The following BRIP1 variants were observed in gnomAD, a reference collection of about 807,000 sequenced individuals.
The protein encoded by BRIP1 is BRCA1 interacting DNA helicase 1.
BRIP1 carries 88 observed loss-of-function variants against 119.7 expected under a neutral mutation model. The ratio of observed to expected loss-of-function variants is 0.74; its 90% confidence interval spans 0.62 to 0.88. BRIP1 has a LOEUF of 0.88. Among genes scored for constraint, BRIP1 ranks in the 40% least tolerant of loss-of-function variants. The pLI is 0.00. For synonymous variants in BRIP1, 443 were observed against 496.5 expected (o/e 0.89, Z 1.43); for missense variants, 1,259 against 1,455.4 (o/e 0.87, Z 2.20).
Position 61,709,055 on chromosome 17 carries a change from A to G in BRIP1, c.2492+6896T>C. On this transcript the variant is annotated intron_variant, in intron 17 of 19. Transcript: ENST00000259008. The surrounding 1 kb of genome is among the most constrained non-coding windows in gnomAD (Gnocchi z 5.0). ...TTCCAGAAGTAAACCTGGGTGAGGG[A>G]GGAGGCTAATTGTTTCTTATACTAA... 6.6e-6 allele frequency among the ~76,000 whole-genome samples: 1 copy of G among 152,166 alleles called. No homozygotes were observed. Among genetic ancestry groups the G allele is most frequent in the East Asian group, 1.9e-4 (1 of 5,204 alleles).
chr17:61,706,055 T>C lies in BRIP1; in HGVS notation c.2492+9896A>G, dbSNP rs890933008. On this transcript the variant is annotated intron_variant, in intron 17 of 19. Coordinates refer to ENST00000259008, the MANE Select transcript of BRIP1 (RefSeq NM_032043.3). This position sits in a 1 kb window ranked among gnomAD's most constrained non-coding sequence, Gnocchi z 5.7. ...GTATTTTTCTATTTTTCTCTTCAGA[T>C]CTGTCAGTTTTTGCTTCATGTATTT... Among the ~76,000 whole-genome samples the C allele has an allele frequency of 6.6e-6, 1 of 152,198 alleles. No individual in the cohort carries two copies. Among genetic ancestry groups the C allele is most frequent in the African/African-American group, 2.4e-5 (1 of 41,464 alleles).
intron 17 of BRIP1, among the ~76,000 whole-genome samples, chr17:61,698,588 T>C (rs11871134): frequency 0.022 from 3,411 of 152,338 alleles, 52 homozygotes; most frequent in South Asian, 0.039. Context: ...GAGCAGGGTA[T>C]GGAAGTCTCC....
intron 16 of BRIP1, among the ~76,000 whole-genome samples, chr17:61,719,292 T>C (rs1280003979): frequency 6.6e-6 from 1 of 150,750 alleles, no homozygotes; most frequent in Non-Finnish European, 1.5e-5. Flanking sequence ...CACAATGGAA[T>C]ACTAAACAGT....
Position 61,701,090 on chromosome 17 carries a change from G to A in BRIP1, c.2493-7578C>T, listed in dbSNP as rs2061607201. Among the ~76,000 whole-genome samples the A allele has an allele frequency of 6.6e-6, 1 of 152,092 alleles. No homozygotes were observed. Among genetic ancestry groups the A allele is most frequent in the Non-Finnish European group, 1.5e-5 (1 of 68,026 alleles). On this transcript the variant is annotated intron_variant, in intron 17 of 19. Transcript: ENST00000259008. This position sits in a 1 kb window ranked among gnomAD's most constrained non-coding sequence, Gnocchi z 5.1. The stretch of plus-strand genomic sequence containing the variant: ...TTTTGACACAGTTTGCTTAGTTATT[G>A]AATGTATTTGAACTAGCTTTCTCTC...
At position 61,831,071 on chromosome 17, in the gene BRIP1, A is replaced by G. The variant is rs1422937486; in HGVS notation, c.627+16030T>C. Among the ~76,000 whole-genome samples the G allele has an allele frequency of 2.0e-5, 3 of 152,236 alleles. No homozygotes were observed. Among genetic ancestry groups the G allele is most frequent in the African/African-American group, 7.2e-5 (3 of 41,466 alleles). On this transcript the variant is annotated intron_variant, in intron 6 of 19. Transcript: ENST00000259008. The surrounding 1 kb of genome is among the most constrained non-coding windows in gnomAD (Gnocchi z 4.1). Reference sequence around the variant, plus strand: ...TAAAACTTTAAATATAAAATCCAACATCCACTCATTATAAAAATGTTCAGC... The same window carrying G: ...TAAAACTTTAAATATAAAATCCAACGTCCACTCATTATAAAAATGTTCAGC...
At position 61,804,408 on chromosome 17, in the gene BRIP1, ATATGTGTGTGTGTG is replaced by A. The variant is rs2078040777; in HGVS notation, c.919-2948_919-2935del. On this transcript the variant is annotated intron_variant, in intron 7 of 19. Transcript: ENST00000259008. The surrounding 1 kb of genome is among the most constrained non-coding windows in gnomAD (Gnocchi z 4.5). The stretch of plus-strand genomic sequence containing the variant: ...AAAAGACTTTGAGGCAGCTATATAC[ATATGTGTGTGTGTG>A]TGTGTGTGTGTGTGTGTGTGTGTGT... 1.6e-5 allele frequency among the ~76,000 whole-genome samples: 2 copies of A among 123,662 alleles called. No homozygotes were observed. The highest frequency in any genetic ancestry group is 1.9e-4 in the Admixed American group (2 of 10,716). The allele number at this position is 123,662 out of a possible 152,430, so 81.1% of individuals were successfully genotyped here. A position where few individuals can be genotyped will look rare whatever the true frequency, so the allele number is the denominator to read the frequency against.
rs965638570 is a variant in BRIP1 at position 61,756,037 on chromosome 17, G to A, written c.2098-11446C>T. On this transcript the variant is annotated intron_variant, in intron 14 of 19. Transcript: ENST00000259008. This position sits in a 1 kb window ranked among gnomAD's most constrained non-coding sequence, Gnocchi z 4.3. ...TTTTTAAAGTACCTTAAAACCTTTTGTTAAGGATTACACAGGGGCTACATG... is the reference window on the plus strand; with the variant it reads ...TTTTTAAAGTACCTTAAAACCTTTTATTAAGGATTACACAGGGGCTACATG... 1.3e-5 allele frequency among the ~76,000 whole-genome samples: 2 copies of A among 152,076 alleles called. No individual in the cohort carries two copies. The highest frequency in any genetic ancestry group is 4.8e-5 in the African/African-American group (2 of 41,400).
At position 61,709,657 on chromosome 17, in the gene BRIP1, A is replaced by G. The variant is rs2061742959; in HGVS notation, c.2492+6294T>C. Among the ~76,000 whole-genome samples, 1 of 152,184 alleles carries G rather than the reference A, an allele frequency of 6.6e-6. No individual in the cohort carries two copies. The highest frequency in any genetic ancestry group is 2.4e-5 in the African/African-American group (1 of 41,452). ...TAATGAAACAATTCAAAGAAAAAAG[A>G]TTTCACCTTTTCTTTTTACCATTGT... On this transcript the variant is annotated intron_variant, in intron 17 of 19. Transcript: ENST00000259008. This position sits in a 1 kb window ranked among gnomAD's most constrained non-coding sequence, Gnocchi z 5.0.
At position 61,776,313 on chromosome 17, in the gene BRIP1, T is replaced by C. The variant is rs2145022415; in HGVS notation, c.2097+88A>G. On this transcript the variant is annotated intron_variant, in intron 14 of 19. Transcript: ENST00000259008. This position sits in a 1 kb window ranked among gnomAD's most constrained non-coding sequence, Gnocchi z 5.0. The stretch of plus-strand genomic sequence containing the variant: ...CCTTGTTGCCTCTACCCTAGGAAGC[T>C]TACTGTGGTAATTTTAAAATTAGCA... 6.8e-7 allele frequency: 1 copy of C among 1,464,950 alleles called. No individual in the cohort carries two copies. Among genetic ancestry groups the C allele is most frequent in the East Asian group, 2.3e-5 (1 of 43,744 alleles). 90.7% of individuals were successfully genotyped at this position (1,464,950 alleles called of 1,614,324 possible). A position where few individuals can be genotyped will look rare whatever the true frequency, so the allele number is the denominator to read the frequency against.
Position 61,828,213 on chromosome 17 carries a change from T to G in BRIP1, c.627+18888A>C, listed in dbSNP as rs1195438363. ...TGTGGTATATCCATACAATGGAATA[T>G]TATTCAGCCATAAAAAGAAATAAAA... On this transcript the variant is annotated intron_variant, in intron 6 of 19. Coordinates refer to ENST00000259008, the MANE Select transcript of BRIP1 (RefSeq NM_032043.3). The surrounding 1 kb of genome is among the most constrained non-coding windows in gnomAD (Gnocchi z 4.1). 2.0e-5 allele frequency among the ~76,000 whole-genome samples: 3 copies of G among 152,238 alleles called. No homozygotes were observed. The highest frequency in any genetic ancestry group is 4.8e-5 in the African/African-American group (2 of 41,454).
At position 61,862,863 on chromosome 17, in the gene BRIP1, C is replaced by A. The variant is rs1193501395; in HGVS notation, c.-31+421G>T. Reference sequence around the variant, plus strand: ...ATTCTAGGGTATTTTCCAGCTCTAACATTTTGCGATTCTATCTGTAAAGCT... The same window carrying A: ...ATTCTAGGGTATTTTCCAGCTCTAAAATTTTGCGATTCTATCTGTAAAGCT... On this transcript the variant is annotated intron_variant, in intron 1 of 19. Coordinates refer to ENST00000259008, the MANE Select transcript of BRIP1 (RefSeq NM_032043.3). This position sits in a 1 kb window ranked among gnomAD's most constrained non-coding sequence, Gnocchi z 5.3. 6.6e-6 allele frequency among the ~76,000 whole-genome samples: 1 copy of A among 152,114 alleles called. No individual in the cohort carries two copies. The highest frequency in any genetic ancestry group is 1.5e-5 in the Non-Finnish European group (1 of 68,024).
At chr17:61,850,081 ATTTAACAATCTTT>A (rs1164682970) in intron 4 of BRIP1, among the ~76,000 whole-genome samples, 1 of 150,050 alleles carries the variant, frequency 6.7e-6, no homozygotes, top group Non-Finnish European at 1.5e-5. Flanking sequence ...GCTTGAATTA[ATTTAACAATCTTT>A]TTTAACCATC....
In BRIP1 at chr17:61,761,424, G is replaced by A. The variant is rs1361184556; in HGVS notation, c.2097+14977C>T. ...TCCTTGCCAGAAAAATTTAGAAAGAGAAAGAAATAAAAAGCATCCAAATAG... is the reference window on the plus strand; with the variant it reads ...TCCTTGCCAGAAAAATTTAGAAAGAAAAAGAAATAAAAAGCATCCAAATAG... On this transcript the variant is annotated intron_variant, in intron 14 of 19. Transcript: ENST00000259008. The surrounding 1 kb of genome is among the most constrained non-coding windows in gnomAD (Gnocchi z 6.4). 6.6e-6 allele frequency among the ~76,000 whole-genome samples: 1 copy of A among 151,770 alleles called. No individual in the cohort carries two copies. The highest frequency in any genetic ancestry group is 1.9e-4 in the East Asian group (1 of 5,190).
rs2077044465 is a variant in BRIP1 at position 61,745,304 on chromosome 17, T to C, written c.2098-713A>G. 6.6e-6 allele frequency among the ~76,000 whole-genome samples: 1 copy of C among 152,158 alleles called. No individual in the cohort carries two copies. The highest frequency in any genetic ancestry group is 2.4e-5 in the African/African-American group (1 of 41,440). ...ACATATTTCAACAGTTATGCCATGG[T>C]AGATTAAAAGTCAATAATATAAAGT... On this transcript the variant is annotated intron_variant, in intron 14 of 19. Coordinates refer to ENST00000259008, the MANE Select transcript of BRIP1 (RefSeq NM_032043.3). This position sits in a 1 kb window ranked among gnomAD's most constrained non-coding sequence, Gnocchi z 4.4.
chr17:61,706,578 TTC>T lies in BRIP1; in HGVS notation c.2492+9371_2492+9372del, dbSNP rs2061692768. Among the ~76,000 whole-genome samples the T allele has an allele frequency of 1.3e-5, 2 of 152,160 alleles. No individual in the cohort carries two copies. The highest frequency in any genetic ancestry group is 6.6e-5 in the Admixed American group (1 of 15,264). ...ATCTTCTGGTTATTTATCTCCATAT[TTC>T]TAAGGAACATTGATCCTACTACTAC... On this transcript the variant is annotated intron_variant, in intron 17 of 19. Coordinates refer to ENST00000259008, the MANE Select transcript of BRIP1 (RefSeq NM_032043.3). This position sits in a 1 kb window ranked among gnomAD's most constrained non-coding sequence, Gnocchi z 5.7.
intron 6 of BRIP1, among the ~76,000 whole-genome samples, chr17:61,821,839 T>C (rs2078330979): frequency 6.6e-6 from 1 of 152,136 alleles, no homozygotes; most frequent in Non-Finnish European, 1.5e-5. Flanking sequence ...GATCCTTCCG[T>C]CTCAGCCTCC....
In BRIP1 at chr17:61,679,273, G is replaced by T. The variant is rs2061248246; in HGVS notation, c.*4023C>A. On this transcript the variant is annotated 3_prime_UTR_variant, in exon 20 of 20. Coordinates refer to ENST00000259008, the MANE Select transcript of BRIP1 (RefSeq NM_032043.3). The surrounding 1 kb of genome is among the most constrained non-coding windows in gnomAD (Gnocchi z 4.4). ...AACAACAAAGCCTTATAGAAACTTA[G>T]AAACAGTGCCAAATTTAAACCCATG... 6.6e-6 allele frequency among the ~76,000 whole-genome samples: 1 copy of T among 152,122 alleles called. No individual in the cohort carries two copies. The highest frequency in any genetic ancestry group is 2.1e-4 in the South Asian group (1 of 4,828).
intron 3 of BRIP1, among the ~76,000 whole-genome samples, chr17:61,858,016 T>A (rs1052886098): frequency 6.6e-6 from 1 of 152,162 alleles, no homozygotes; most frequent in Non-Finnish European, 1.5e-5. Context: ...TAGAAACATG[T>A]TTTTTGATGT....
At position 61,857,836 on chromosome 17, in the gene BRIP1, AT is replaced by A. The variant is rs1475898127; in HGVS notation, c.206-606del. Among the ~76,000 whole-genome samples the A allele has an allele frequency of 6.6e-6, 1 of 152,326 alleles. No homozygotes were observed. Among genetic ancestry groups the A allele is most frequent in the South Asian group, 2.1e-4 (1 of 4,830 alleles). On this transcript the variant is annotated intron_variant, in intron 3 of 19. Transcript: ENST00000259008. The surrounding 1 kb of genome is among the most constrained non-coding windows in gnomAD (Gnocchi z 5.1). ...TAAAAGTACAACTACTCAAGTATTC[AT>A]TTATATTAAGATTTATCTAAAATTC... is the stretch of plus-strand genomic sequence containing the variant.
Sources: allele counts gnomAD v4.1 joint callset (sites outside exome capture counted in the v4.1 genomes callset), GRCh38; gene constraint gnomAD v4.1.1; non-coding constraint Gnocchi (gnomAD v3.1); transcripts MANE v1.5; gene names NCBI Gene and HGNC (gene_info 2026-07-23, HGNC 2026-07-21).